CEP128: variants seen among roughly 807,000 people sequenced by gnomAD.
CEP128 encodes centrosomal protein 128kDa.
A neutral mutation model predicts 156.7 loss-of-function variants in CEP128; 132 were observed. The ratio of observed to expected loss-of-function variants is 0.84; its 90% CI spans 0.73 to 0.97. The LOEUF is 0.97. CEP128 is among the 50% of genes least tolerant of loss of function. The pLI is 0.00. For synonymous variants in CEP128, 469 were observed against 448.9 expected, an observed-to-expected ratio of 1.04 and a Z score of -0.57; for missense variants, 1,252 against 1,281.9, an observed-to-expected ratio of 0.98 and a Z score of 0.36.
At chr14:80,645,544 T>C (rs1356796547) in intron 19 of CEP128, among the ~76,000 whole-genome samples, 1 of 151,990 alleles carries the variant, frequency 6.6e-6, no homozygotes, top group African/African-American at 2.4e-5. Flanking sequence ...TGGAAAGGAA[T>C]TAAAATAAGC....
chr14:80,497,809 T>C (rs1232013313), intron 24 of CEP128, among the ~76,000 whole-genome samples: 2 of 152,202 alleles, frequency 1.3e-5, no homozygotes, highest in East Asian at 3.9e-4. Context: ...GAAGAATACC[T>C]GAGAGTAAAA....
chr14:80,534,085 G>A (rs1281660762), intron 21 of CEP128, among the ~76,000 whole-genome samples: 2 of 152,120 alleles, frequency 1.3e-5, no homozygotes, highest in Non-Finnish European at 2.9e-5. Context: ...GGCGTCTCAG[G>A]TCTCATAATT....
intron 18 of CEP128, among the ~76,000 whole-genome samples, chr14:80,743,632 T>TA (rs1164701588): frequency 1.3e-5 from 2 of 152,184 alleles, no homozygotes; most frequent in Non-Finnish European, 2.9e-5. Context: ...ACAGACTTTT[T>TA]ATAAAAGAAG....
intron 14 of CEP128, among the ~76,000 whole-genome samples, chr14:80,480,901 T>G (rs551727560): frequency 6.6e-6 from 1 of 152,202 alleles, no homozygotes; most frequent in Non-Finnish European, 1.5e-5. Context: ...CATCTTCACC[T>G]GAGACCACCT....
chr14:80,656,732 A>T (rs1299575055), intron 19 of CEP128, among the ~76,000 whole-genome samples: 11 of 152,182 alleles, frequency 7.2e-5, no homozygotes, highest in African/African-American at 2.7e-4. Context: ...GAAACAGAAC[A>T]GAATCAATAT....
chr14:80,858,156 C>A (rs1272693903), intron 9 of CEP128, among the ~76,000 whole-genome samples: 2 of 151,212 alleles, frequency 1.3e-5, no homozygotes, highest in Non-Finnish European at 2.9e-5. Context: ...TACTACAAGG[C>A]TACAGTAACC....
At chr14:80,845,134 G>A (rs1487440227) in intron 9 of CEP128, among the ~76,000 whole-genome samples, 1 of 152,140 alleles carries the variant, frequency 6.6e-6, no homozygotes, top group Admixed American at 6.6e-5. Context: ...CTGTTGACAA[G>A]TGTCAGGATT....
chr14:80,732,767 G>A (rs1164300333), intron 19 of CEP128, among the ~76,000 whole-genome samples: 1 of 152,000 alleles, frequency 6.6e-6, no homozygotes, highest in Non-Finnish European at 1.5e-5. Context: ...GAGTGTTCCT[G>A]CCTGGAAAAA....
chr14:80,740,804 C>G (rs1040458262), intron 19 of CEP128, among the ~76,000 whole-genome samples: 5 of 152,068 alleles, frequency 3.3e-5, no homozygotes, highest in African/African-American at 1.2e-4. Context: ...TGTCTTCTAA[C>G]AAATGACACA....
At chr14:80,534,650 C>T (rs1889395840) in intron 21 of CEP128, among the ~76,000 whole-genome samples, 1 of 151,720 alleles carries the variant, frequency 6.6e-6, no homozygotes, top group South Asian at 2.1e-4. Context: ...ACGGTGAAAC[C>T]CCATCTCTAC....
intron 9 of CEP128, among the ~76,000 whole-genome samples, chr14:80,857,759 C>CA (rs1227461008): frequency 4.9e-5 from 7 of 143,246 alleles, no homozygotes; most frequent in Non-Finnish European, 7.7e-5. Flanking sequence ...ACAACAACAA[C>CA]AACAACAACA....
At chr14:80,933,725 G>A (rs1418786430) in intron 2 of CEP128, among the ~76,000 whole-genome samples, 1 of 152,088 alleles carries the variant, frequency 6.6e-6, no homozygotes, top group Non-Finnish European at 1.5e-5. Flanking sequence ...ACGTCAAGTA[G>A]GAAAAGGAAT....
At chr14:80,548,967 G>A (rs1332566387) in intron 21 of CEP128, among the ~76,000 whole-genome samples, 2 of 152,130 alleles carry the variant, frequency 1.3e-5, no homozygotes, top group Admixed American at 1.3e-4. Flanking sequence ...CCACAAGGTT[G>A]TACCTCTGCA....
chr14:80,931,201 T>C (rs1027964202), intron 2 of CEP128, among the ~76,000 whole-genome samples: 3 of 152,230 alleles, frequency 2.0e-5, no homozygotes, highest in African/African-American at 7.2e-5. Flanking sequence ...AATGATTACC[T>C]AACAGGAAAA....
At chr14:80,557,493 G>A (rs1890485826) in intron 21 of CEP128, among the ~76,000 whole-genome samples, 1 of 152,134 alleles carries the variant, frequency 6.6e-6, no homozygotes, top group African/African-American at 2.4e-5. Flanking sequence ...CAAAAATTAC[G>A]TTTTTGTCCA....
intron 19 of CEP128, among the ~76,000 whole-genome samples, chr14:80,633,452 T>G (rs1894049892): frequency 6.6e-6 from 1 of 152,184 alleles, no homozygotes; most frequent in African/African-American, 2.4e-5. Flanking sequence ...CAAGCTCTCC[T>G]GTTTCTGTTA....
intron 8 of CEP128, among the ~76,000 whole-genome samples, chr14:80,864,562 T>C (rs1353552185): frequency 7.7e-6 from 1 of 130,396 alleles, no homozygotes; most frequent in African/African-American, 2.9e-5. Flanking sequence ...TGTTTCTCAA[T>C]TTTTTTTTTT....
chr14:80,711,881 A>C (rs1370621883), intron 19 of CEP128, among the ~76,000 whole-genome samples: 2 of 152,078 alleles, frequency 1.3e-5, no homozygotes, highest in Non-Finnish European at 2.9e-5. Flanking sequence ...AAGAATGTAA[A>C]AAATAAAAAA....
downstream of CEP128, among the ~76,000 whole-genome samples, chr14:80,487,084 C>T (rs9743751): frequency 0.48 from 72,648 of 151,768 alleles, 18,481 homozygotes; most frequent in East Asian, 0.69. Context: ...AACTGGCAAA[C>T]TGGATAAAGA....
Sources: allele counts gnomAD v4.1 joint callset (sites outside exome capture counted in the v4.1 genomes callset), GRCh38; gene constraint gnomAD v4.1.1; transcripts MANE v1.5; gene names NCBI Gene and HGNC (gene_info 2026-07-23, HGNC 2026-07-21).